Variants in TRDN observed in about 807,000 individuals in gnomAD.
The protein encoded by TRDN is triadin.
A neutral mutation model predicts 149.7 loss-of-function variants in TRDN; 161 were observed. The ratio of observed to expected loss-of-function variants is 1.08; its 90% CI spans 0.95 to 1.23. The LOEUF is 1.23. Ranked by LOEUF, TRDN falls within the 50% of genes most tolerant of loss-of-function variation. The pLI is 0.00. For missense variants in TRDN, 896 were observed against 823.5 expected (o/e 1.09, Z -1.08); for synonymous variants, 294 against 250.5 (o/e 1.17, Z -1.64).
intron 10 of TRDN, among the ~76,000 whole-genome samples, chr6:123,445,545 A>C (rs1328399612): frequency 1.0e-5 from 1 of 96,748 alleles, no homozygotes; most frequent in Non-Finnish European, 2.0e-5. Context: ...ACAAGAAAAA[A>C]ACAAACAACC....
chr6:123,221,326 CT>C (rs1221615045), intron 40 of TRDN, among the ~76,000 whole-genome samples, 160 bp downstream of exon 40: 1 of 151,734 alleles, frequency 6.6e-6, no homozygotes, highest in Non-Finnish European at 1.5e-5. Flanking sequence ...TGATACGCTT[CT>C]TTTTAAAATA....
At chr6:123,544,481 G>T (rs1047715568) in intron 4 of TRDN, among the ~76,000 whole-genome samples, 18 of 151,964 alleles carry the variant, frequency 1.2e-4, no homozygotes, top group African/African-American at 4.3e-4. Context: ...AAATCTCTCT[G>T]CAGTTTTATA....
At chr6:123,466,925 T>C (rs1480949180) in intron 9 of TRDN, among the ~76,000 whole-genome samples, 1 of 152,040 alleles carries the variant, frequency 6.6e-6, no homozygotes, top group East Asian at 1.9e-4. Flanking sequence ...TCTTTTATAG[T>C]CTTGAGTTAT....
chr6:123,361,251 GAAACC>G (rs1435553622), intron 20 of TRDN, among the ~76,000 whole-genome samples: 2 of 152,034 alleles, frequency 1.3e-5, no homozygotes, highest in African/African-American at 4.8e-5. Context: ...GATGAAAGTG[GAAACC>G]ATCATTCTCA....
chr6:123,623,925 ACAAGAAAC>A (rs1199122038), intron 1 of TRDN, among the ~76,000 whole-genome samples: 3 of 152,240 alleles, frequency 2.0e-5, no homozygotes, highest in Middle Eastern at 3.4e-3. Flanking sequence ...TTTAAATTTG[ACAAGAAAC>A]CAAGAAACCT....
chr6:123,446,337 G>T (rs866844161), intron 10 of TRDN, among the ~76,000 whole-genome samples: 1 of 152,040 alleles, frequency 6.6e-6, no homozygotes, highest in South Asian at 2.1e-4. Flanking sequence ...GTGTACATAT[G>T]TAACTAACCT....
intron 20 of TRDN, among the ~76,000 whole-genome samples, chr6:123,361,502 A>G (rs1194713275): frequency 6.6e-6 from 1 of 152,018 alleles, no homozygotes; most frequent in African/African-American, 2.4e-5. Flanking sequence ...CATGTACCCC[A>G]GAACTTAAAG....
At position 123,532,786 on chromosome 6, in the gene TRDN, G is replaced by A. The variant is rs962459643; in HGVS notation, c.425-2221C>T. Among the ~76,000 whole-genome samples the A allele has an allele frequency of 1.6e-5, 2 of 126,720 alleles. 1 individual carries two copies. The highest frequency in any genetic ancestry group is 3.8e-5 in the Non-Finnish European group (2 of 52,148). 83.1% of individuals were successfully genotyped at this position (126,720 alleles called of 152,430 possible). On this transcript the variant is annotated intron_variant, in intron 4 of 40. Coordinates refer to ENST00000334268, the MANE Select transcript of TRDN (RefSeq NM_006073.4). ...TTTTCTTTTTACTATTTTAAATGTGGCTACTAGAAAATCTTAAATTACATA... is the reference window on the plus strand; with the variant it reads ...TTTTCTTTTTACTATTTTAAATGTGACTACTAGAAAATCTTAAATTACATA...
chr6:123,408,189 C>G (rs1366191227), intron 12 of TRDN, among the ~76,000 whole-genome samples: 1 of 152,090 alleles, frequency 6.6e-6, no homozygotes, highest in Non-Finnish European at 1.5e-5. Context: ...GTATTCAATA[C>G]CATGTGTTTA....
intron 1 of TRDN, among the ~76,000 whole-genome samples, chr6:123,603,946 A>G (rs1784398130): frequency 2.6e-5 from 4 of 152,118 alleles, no homozygotes; most frequent in Non-Finnish European, 5.9e-5. Flanking sequence ...ATATTTTCCT[A>G]TATGTTGTTT....
At chr6:123,435,925 A>G (rs1003349679) in intron 12 of TRDN, among the ~76,000 whole-genome samples, 16 of 152,018 alleles carry the variant, frequency 1.1e-4, no homozygotes, top group Admixed American at 9.2e-4. Flanking sequence ...AGATTTTCCC[A>G]TGAACCATTG....
At chr6:123,557,020 A>G (rs1392493748) in intron 2 of TRDN, among the ~76,000 whole-genome samples, 4 of 151,974 alleles carry the variant, frequency 2.6e-5, no homozygotes, top group African/African-American at 7.2e-5. Flanking sequence ...GGCTCATCCT[A>G]GCTCAAAAGC....
chr6:123,476,431 C>T (rs1380422474), intron 9 of TRDN, among the ~76,000 whole-genome samples: 1 of 108,644 alleles, frequency 9.2e-6, no homozygotes, highest in Non-Finnish European at 1.9e-5. Flanking sequence ...AATGGAAGAA[C>T]ATTCCATGCT....
At chr6:123,299,928 T>A (rs1481320215) in intron 24 of TRDN, among the ~76,000 whole-genome samples, 1 of 152,066 alleles carries the variant, frequency 6.6e-6, no homozygotes, top group African/African-American at 2.4e-5. Context: ...GGAGAAAACT[T>A]GTTTCTTTTA....
At chr6:123,391,735 G>T (rs942278096) in intron 13 of TRDN, among the ~76,000 whole-genome samples, 3 of 151,800 alleles carry the variant, frequency 2.0e-5, no homozygotes, top group South Asian at 2.1e-4. Flanking sequence ...TATGTCCTTT[G>T]TTGTAAAAGT....
chr6:123,299,005 G>C (rs1778308593), intron 24 of TRDN, among the ~76,000 whole-genome samples: 1 of 151,932 alleles, frequency 6.6e-6, no homozygotes, highest in Admixed American at 6.6e-5. Context: ...GGATAGTTTT[G>C]GTCTGGAATA....
chr6:123,472,752 G>A (rs977567298), intron 9 of TRDN, among the ~76,000 whole-genome samples: 6 of 152,152 alleles, frequency 3.9e-5, no homozygotes, highest in African/African-American at 1.2e-4. Context: ...GGCAGAGAAC[G>A]GGCAGACTGC....
At chr6:123,472,738 AACGGG>A (rs1437009118) in intron 9 of TRDN, among the ~76,000 whole-genome samples, 2 of 152,184 alleles carry the variant, frequency 1.3e-5, no homozygotes, top group Non-Finnish European at 2.9e-5. Flanking sequence ...GAGATCTGAG[AACGGG>A]CAGAGAACGG....
chr6:123,607,228 A>G (rs908731552), intron 1 of TRDN, among the ~76,000 whole-genome samples: 1 of 152,164 alleles, frequency 6.6e-6, no homozygotes, highest in Non-Finnish European at 1.5e-5. Flanking sequence ...ATGGTCTTTA[A>G]CATTTTAATT....
Sources: allele counts gnomAD v4.1 joint callset (sites outside exome capture counted in the v4.1 genomes callset), GRCh38; gene constraint gnomAD v4.1.1; transcripts MANE v1.5; gene names NCBI Gene and HGNC (gene_info 2026-07-23, HGNC 2026-07-21).